ZNF475: variants seen among roughly 807,000 people sequenced by gnomAD.
ZNF475 encodes zinc finger protein 475.
the ZNF475 span, among the ~76,000 whole-genome samples, chr5:122,163,628 C>T: frequency 6.6e-6 from 1 of 152,184 alleles, no homozygotes; most frequent in Non-Finnish European, 1.5e-5. Flanking sequence ...GAAAGAGAAA[C>T]ACTCATTGAT....
At chr5:122,165,244 A>G in the ZNF475 span, among the ~76,000 whole-genome samples, 2 of 152,376 alleles carry the variant, frequency 1.3e-5, no homozygotes, top group East Asian at 3.9e-4. Context: ...ATCTCTGCTC[A>G]CAATGGAAAT....
the ZNF475 span, among the ~76,000 whole-genome samples, chr5:122,176,252 A>T: frequency 6.6e-6 from 1 of 152,074 alleles, no homozygotes; most frequent in East Asian, 1.9e-4. Flanking sequence ...TTTTCTCCAT[A>T]TATTCTTTAC....
the ZNF475 span, among the ~76,000 whole-genome samples, chr5:122,172,219 T>A: frequency 6.6e-6 from 1 of 152,222 alleles, no homozygotes; most frequent in Admixed American, 6.5e-5. Context: ...ATGTATTTAT[T>A]ATACAAGGAC....
At chr5:122,178,654 G>A in the ZNF475 span, among the ~76,000 whole-genome samples, 1 of 152,090 alleles carries the variant, frequency 6.6e-6, no homozygotes, top group Non-Finnish European at 1.5e-5. Context: ...CAGATGAGTA[G>A]GTTGAGAAAA....
At chr5:122,179,711 A>G in the ZNF475 span, 1 of 1,523,224 alleles carries the variant, frequency 6.6e-7, no homozygotes, top group Non-Finnish European at 8.7e-7. Context: ...CTAAAAAACC[A>G]GAAGTCAGGA....
chr5:122,168,283 A>G, the ZNF475 span, among the ~76,000 whole-genome samples: 1 of 152,152 alleles, frequency 6.6e-6, no homozygotes, highest in Admixed American at 6.5e-5. Context: ...ACCTCAGGTG[A>G]TCCGCCCGCC....
chr5:122,179,747 A>T, the ZNF475 span: 1 of 1,480,044 alleles, frequency 6.8e-7, no homozygotes, highest in Non-Finnish European at 8.9e-7. Flanking sequence ...TCCTAGAAAA[A>T]AGATTTGAGT....
At chr5:122,164,585 G>A in the ZNF475 span, among the ~76,000 whole-genome samples, 1 of 152,104 alleles carries the variant, frequency 6.6e-6, no homozygotes, top group Admixed American at 6.5e-5. Flanking sequence ...TGAGCATAGG[G>A]TAACTCACCC....
the ZNF475 span, among the ~76,000 whole-genome samples, chr5:122,171,964 C>G: frequency 2.0e-5 from 3 of 152,248 alleles, no homozygotes; most frequent in Admixed American, 6.5e-5. Context: ...AGGCTGGTCT[C>G]AAACCCTTCG....
the ZNF475 span, among the ~76,000 whole-genome samples, chr5:122,171,376 T>G: frequency 6.6e-6 from 1 of 152,174 alleles, no homozygotes; most frequent in African/African-American, 2.4e-5. Context: ...TGAGTATCAT[T>G]CCAGGCATCT....
chr5:122,172,861 G>A, the ZNF475 span, among the ~76,000 whole-genome samples: 8 of 152,036 alleles, frequency 5.3e-5, no homozygotes, highest in African/African-American at 1.7e-4. Context: ...GTGAAACCCC[G>A]TGTCTACTAA....
chr5:122,179,724 ATTACTG>A, the ZNF475 span: 2 of 1,505,960 alleles, frequency 1.3e-6, no homozygotes, highest in Non-Finnish European at 1.8e-6. Flanking sequence ...AGTCAGGACC[ATTACTG>A]GTAAGTTCCT....
chr5:122,177,443 C>A, the ZNF475 span, among the ~76,000 whole-genome samples: 1 of 152,052 alleles, frequency 6.6e-6, no homozygotes, highest in Admixed American at 6.6e-5. Flanking sequence ...TTGTATTCTC[C>A]CAGCATAGTA....
At chr5:122,160,288 T>C in the ZNF475 span, 4 of 1,289,530 alleles carry the variant, frequency 3.1e-6, no homozygotes, top group South Asian at 3.7e-5. Context: ...CTCTTCTACA[T>C]TGTTGGCTCC....
the ZNF475 span, among the ~76,000 whole-genome samples, chr5:122,161,627 G>T: frequency 1.3e-5 from 2 of 152,184 alleles, no homozygotes; most frequent in Admixed American, 1.3e-4. Flanking sequence ...CAATGTCCAA[G>T]TTCAGGTCAG....
the ZNF475 span, among the ~76,000 whole-genome samples, chr5:122,168,915 A>G: frequency 6.6e-6 from 1 of 152,110 alleles, no homozygotes; most frequent in South Asian, 2.1e-4. Context: ...TATTTGTCAA[A>G]TCTCCACCCC....
At chr5:122,171,205 A>C in the ZNF475 span, among the ~76,000 whole-genome samples, 1 of 152,136 alleles carries the variant, frequency 6.6e-6, no homozygotes, top group Non-Finnish European at 1.5e-5. Flanking sequence ...GCATTATTTT[A>C]CCTTTAAGGC....
the ZNF475 span, among the ~76,000 whole-genome samples, chr5:122,167,647 C>G: frequency 6.6e-6 from 1 of 152,164 alleles, no homozygotes; most frequent in African/African-American, 2.4e-5. Context: ...GTTTTTAAAT[C>G]AGCCTTATGG....
the ZNF475 span, among the ~76,000 whole-genome samples, chr5:122,164,905 T>C: frequency 1.3e-5 from 2 of 152,164 alleles, no homozygotes; most frequent in African/African-American, 2.4e-5. Context: ...GTCAACCTGA[T>C]ACTGTCTCAG....
Sources: gnomAD v4.1 joint callset for allele counts (sites outside exome capture counted in the v4.1 genomes callset) on GRCh38, gnomAD v4.1.1 for gene constraint, MANE v1.5 for transcripts, NCBI Gene and HGNC (gene_info 2026-07-23, HGNC 2026-07-21) for gene names.